Variants in MAF observed in about 807,000 individuals in gnomAD.
MAF encodes the protein MAF bZIP transcription factor, also known as transcription factor Maf.
A neutral mutation model predicts 22.0 loss-of-function variants in MAF; 10 were observed. The observed-to-expected ratio is 0.45, with a 90% CI of 0.28 to 0.77. MAF has a LOEUF of 0.77. Ranked by LOEUF, MAF falls within the 30% of genes least tolerant of loss-of-function variation. The pLI, the probability that MAF is intolerant of heterozygous loss-of-function variation, is 0.12. For synonymous variants in MAF, 337 were observed against 255.8 expected, an observed-to-expected ratio of 1.32 and a Z score of -3.03; for missense variants, 544 against 548.4, an observed-to-expected ratio of 0.99 and a Z score of 0.08.
chr16:79,240,407 C>G, the MAF span, among the ~76,000 whole-genome samples: 1 of 147,204 alleles, frequency 6.8e-6, no homozygotes, highest in Admixed American at 6.9e-5. Context: ...CCTTCAGGAC[C>G]TCTCTAGCCA....
At chr16:79,410,089 G>T in the MAF span, among the ~76,000 whole-genome samples, 2 of 152,182 alleles carry the variant, frequency 1.3e-5, no homozygotes, top group Non-Finnish European at 2.9e-5. Flanking sequence ...GAATCCCAGT[G>T]GCCATACTTC....
chr16:79,430,331 T>TCC, the MAF span, among the ~76,000 whole-genome samples: 1 of 152,142 alleles, frequency 6.6e-6, no homozygotes, highest in African/African-American at 2.4e-5. Context: ...GTCTGCACCT[T>TCC]CCCCCGGGCT....
At chr16:79,313,059 T>A in the MAF span, among the ~76,000 whole-genome samples, 1 of 152,140 alleles carries the variant, frequency 6.6e-6, no homozygotes, top group African/African-American at 2.4e-5. Flanking sequence ...AAGCAACCTA[T>A]GCACAGACTG....
chr16:79,587,464 A>C (rs1306529010), intron 1 of MAF, among the ~76,000 whole-genome samples: 1 of 152,086 alleles, frequency 6.6e-6, no homozygotes, highest in Non-Finnish European at 1.5e-5. Context: ...AGAGTCTTTT[A>C]GAAACGCCAG....
At chr16:79,403,605 C>T in the MAF span, among the ~76,000 whole-genome samples, 1 of 152,176 alleles carries the variant, frequency 6.6e-6, no homozygotes, top group African/African-American at 2.4e-5. Context: ...CTGCCAGGGG[C>T]CTTGCCTGAC....
At chr16:79,472,634 G>T in the MAF span, among the ~76,000 whole-genome samples, 1 of 152,100 alleles carries the variant, frequency 6.6e-6, no homozygotes, top group Admixed American at 6.6e-5. Context: ...GAAATGGGGA[G>T]TGACTGTTCA....
At chr16:79,490,627 C>G in the MAF span, among the ~76,000 whole-genome samples, 1 of 12,052 alleles carries the variant, frequency 8.3e-5, no homozygotes, top group Non-Finnish European at 4.3e-4. Flanking sequence ...CACACACACT[C>G]ACACATGCAT....
the MAF span, among the ~76,000 whole-genome samples, chr16:79,398,173 C>T: frequency 6.6e-6 from 1 of 152,088 alleles, no homozygotes; most frequent in African/African-American, 2.4e-5. Context: ...CAAATCACTC[C>T]AACCTCTGCT....
At chr16:79,378,809 G>A in the MAF span, among the ~76,000 whole-genome samples, 1 of 151,916 alleles carries the variant, frequency 6.6e-6, no homozygotes, top group Non-Finnish European at 1.5e-5. Context: ...TACTGTTATT[G>A]GCATTTTAAA....
chr16:79,510,903 T>C, the MAF span, among the ~76,000 whole-genome samples: 13 of 152,100 alleles, frequency 8.5e-5, no homozygotes, highest in Admixed American at 4.6e-4. Context: ...CAGAGAGGGA[T>C]TCTTTTGAAT....
the MAF span, among the ~76,000 whole-genome samples, chr16:79,514,528 C>G: frequency 2.6e-5 from 4 of 152,160 alleles, no homozygotes. Context: ...TGACCCAGAG[C>G]TTTGATTTTC....
the MAF span, among the ~76,000 whole-genome samples, chr16:79,508,603 G>C: frequency 6.6e-6 from 1 of 152,194 alleles, no homozygotes; most frequent in African/African-American, 2.4e-5. Context: ...TTTCCAGCCA[G>C]GGCTCAACAG....
the MAF span, among the ~76,000 whole-genome samples, chr16:79,410,172 C>T: frequency 3.9e-5 from 6 of 152,330 alleles, no homozygotes; most frequent in East Asian, 1.9e-4. Flanking sequence ...CCAATCCAGC[C>T]GTTCCGTACC....
chr16:79,541,840 G>C, the MAF span, among the ~76,000 whole-genome samples: 4 of 151,906 alleles, frequency 2.6e-5, no homozygotes, highest in African/African-American at 9.7e-5. Context: ...ATTTTTACTA[G>C]AGACGGGGTT....
the MAF span, among the ~76,000 whole-genome samples, chr16:79,440,603 T>C: frequency 6.6e-6 from 1 of 152,044 alleles, no homozygotes; most frequent in Non-Finnish European, 1.5e-5. Flanking sequence ...GCCCGGCTAG[T>C]TTTTGTATTT....
At chr16:79,463,968 T>G in the MAF span, among the ~76,000 whole-genome samples, 1 of 73,360 alleles carries the variant, frequency 1.4e-5, no homozygotes, top group Non-Finnish European at 4.3e-5. Flanking sequence ...GAGCTGAGGC[T>G]TGCAAAAAAA....
At chr16:79,397,969 A>G in the MAF span, among the ~76,000 whole-genome samples, 1 of 152,188 alleles carries the variant, frequency 6.6e-6, no homozygotes, top group Admixed American at 6.5e-5. Flanking sequence ...AGTCACTAAA[A>G]ACAACATAAA....
chr16:79,493,614 C>T, the MAF span, among the ~76,000 whole-genome samples: 2 of 152,186 alleles, frequency 1.3e-5, no homozygotes, highest in South Asian at 2.1e-4. Context: ...TGCCCAGTCT[C>T]GGTTACATGG....
At chr16:79,295,132 A>T in the MAF span, among the ~76,000 whole-genome samples, 1 of 152,298 alleles carries the variant, frequency 6.6e-6, no homozygotes, top group Non-Finnish European at 1.5e-5. Context: ...AAGACAAATG[A>T]AATCACTGGG....
Sources: gnomAD v4.1 joint callset for allele counts (sites outside exome capture counted in the v4.1 genomes callset) on GRCh38, gnomAD v4.1.1 for gene constraint, MANE v1.5 for transcripts, NCBI Gene and HGNC (gene_info 2026-07-23, HGNC 2026-07-21) for gene names.